CREBBP: variants seen among roughly 807,000 people sequenced by gnomAD.
The protein encoded by CREBBP is CREB binding lysine acetyltransferase, also known as CREB-binding protein.
A neutral mutation model predicts 265.0 loss-of-function variants in CREBBP; 19 were observed. The ratio of observed to expected loss-of-function variants is 0.07; its 90% confidence interval spans 0.05 to 0.11. The LOEUF is 0.11. CREBBP is among the 10% of genes least tolerant of loss of function. The probability of loss-of-function intolerance (pLI) is 1.00; values close to 1 mark genes in which losing one functional copy is unlikely to be tolerated. For missense variants in CREBBP, 2,525 were observed against 3,219.0 expected, an observed-to-expected ratio of 0.78 and a Z score of 5.22; for synonymous variants, 1,457 against 1,223.7, an observed-to-expected ratio of 1.19 and a Z score of -3.98.
chr16:3,853,261 T>C (rs2054890903), intron 1 of CREBBP, among the ~76,000 whole-genome samples: 1 of 152,188 alleles, frequency 6.6e-6, no homozygotes, highest in South Asian at 2.1e-4. Flanking sequence ...CTAAGTACTG[T>C]CTATTATTAT....
chr16:3,732,093 G>C (rs527244195), intron 28 of CREBBP, among the ~76,000 whole-genome samples, 156 bp from the exon 29 acceptor site: 1 of 152,314 alleles, frequency 6.6e-6, no homozygotes, highest in East Asian at 1.9e-4. Flanking sequence ...GGCTGTAGGT[G>C]CTGCAGCCTT....
chr16:3,738,265 A>G lies in CREBBP; in HGVS notation c.4394+294T>C, dbSNP rs192668326. Among the ~76,000 whole-genome samples, 624 of 151,534 alleles carry G rather than the reference A, an allele frequency of 4.1e-3. 1 individual carries two copies. The highest frequency in any genetic ancestry group is 6.9e-3 in the Non-Finnish European group (471 of 67,918). On this transcript the variant is annotated intron_variant, in intron 26 of 30. Coordinates refer to ENST00000262367, the MANE Select transcript of CREBBP (RefSeq NM_004380.3). The stretch of plus-strand genomic sequence containing the variant: ...GTTACTAAAAACCACTGAATCATAT[A>G]TCCAAAAAAGGGGAATTCTATGATA...
At chr16:3,751,135 AAGAC>A in intron 20 of CREBBP, among the ~76,000 whole-genome samples, 1 of 152,326 alleles carries the variant, frequency 6.6e-6, no homozygotes, top group East Asian at 1.9e-4. Flanking sequence ...TTTAGAAAAA[AAGAC>A]AGACCAAGGT....
intron 21 of CREBBP, chr16:3,745,736 A>C (rs1178634416): frequency 2.8e-6 from 1 of 357,106 alleles, no homozygotes; most frequent in African/African-American, 2.1e-5. Context: ...AAACTGACTT[A>C]AAAAATAGAG....
In CREBBP at chr16:3,780,712, A is replaced by G. The variant is rs2053254129; in HGVS notation, c.1823+20T>C. The G allele has an allele frequency of 1.2e-6, 2 of 1,613,328 alleles. No individual in the cohort carries two copies. The highest frequency in any genetic ancestry group is 2.7e-5 in the African/African-American group (2 of 74,918). On this transcript the variant is annotated intron_variant, in intron 8 of 30. Transcript: ENST00000262367. ...AGGAATAAAATCAAACATCTATGAA[A>G]CTGCAAAACTGTTACGTACAGTTTA...
rs200424021 is a variant in CREBBP at position 3,767,813 on chromosome 16, G to A, written c.3157C>T (p.Pro1053Ser). 13 of 1,613,996 alleles carry A rather than the reference G, an allele frequency of 8.1e-6. No individual in the cohort carries two copies. The East Asian group carries it at 2.7e-4, about 33-fold the overall frequency. ...TCTTTAACTTCTACTTTCACTTCAG[G>A]TTTCTTTTCATCCACTTCCATTGGT... ...SEPMEVDEKKPEVKVEVKEEE... is the reference protein window; with the variant it reads ...SEPMEVDEKKSEVKVEVKEEE... The change falls in exon 16 of 31, where the codon CCT (proline) becomes TCT (serine). Residue 1053 changes from proline (P) to serine (S), a missense_variant. Coordinates refer to ENST00000262367, the MANE Select transcript of CREBBP (RefSeq NM_004380.3).
chr16:3,799,988 G>T (rs1387844704), intron 3 of CREBBP, among the ~76,000 whole-genome samples: 2 of 152,190 alleles, frequency 1.3e-5, no homozygotes, highest in Non-Finnish European at 2.9e-5. Context: ...GTAAGAAAAT[G>T]ATGAGGAACT....
At chr16:3,817,980 C>T (rs2065390827) in intron 2 of CREBBP, among the ~76,000 whole-genome samples, 2 of 152,212 alleles carry the variant, frequency 1.3e-5, no homozygotes, top group South Asian at 4.1e-4. Flanking sequence ...CCTCATCTCA[C>T]ACAACCCTGA....
chr16:3,774,245 CG>C (rs1305023517), intron 12 of CREBBP, among the ~76,000 whole-genome samples: 1 of 152,198 alleles, frequency 6.6e-6, no homozygotes, highest in African/African-American at 2.4e-5. Flanking sequence ...AAAGCAGCCT[CG>C]GAACAGCGAG....
intron 1 of CREBBP, among the ~76,000 whole-genome samples, chr16:3,855,558 C>A (rs578033168): frequency 2.0e-5 from 3 of 152,340 alleles, no homozygotes; most frequent in South Asian, 2.1e-4. Context: ...AGCCATTGCA[C>A]CCGGCCATAA....
chr16:3,858,710 A>C (rs778528398), intron 1 of CREBBP, among the ~76,000 whole-genome samples: 23 of 152,376 alleles, frequency 1.5e-4, no homozygotes, highest in Non-Finnish European at 3.4e-4. Flanking sequence ...TTCTGAAAAC[A>C]GAAACAATAA....
In CREBBP at chr16:3,770,554, A is replaced by G. The variant is rs760393733; in HGVS notation, c.2880+16T>C. 2 of 1,611,672 alleles carry G rather than the reference A, an allele frequency of 1.2e-6. No homozygotes were observed. The highest frequency in any genetic ancestry group is 1.7e-6 in the Non-Finnish European group (2 of 1,179,798). Reference sequence around the variant, plus strand: ...AAGAGTCTTGGCCCAAAAACAGCAGAGACAGAGAGGCTTACCGGTGTGCCA... The same window carrying G: ...AAGAGTCTTGGCCCAAAAACAGCAGGGACAGAGAGGCTTACCGGTGTGCCA... On this transcript the variant is annotated intron_variant, in intron 14 of 30. Coordinates refer to ENST00000262367, the MANE Select transcript of CREBBP (RefSeq NM_004380.3).
At chr16:3,866,304 A>G (rs2141565394) in intron 1 of CREBBP, among the ~76,000 whole-genome samples, 1 of 152,338 alleles carries the variant, frequency 6.6e-6, no homozygotes, top group African/African-American at 2.4e-5. Context: ...GGCTTCTAGC[A>G]AATCAATGAA....
chr16:3,848,902 A>G (rs2054724065), intron 2 of CREBBP, among the ~76,000 whole-genome samples: 2 of 152,184 alleles, frequency 1.3e-5, no homozygotes, highest in Admixed American at 6.5e-5. Context: ...GACAAATGCA[A>G]TTTAAACATT....
intron 3 of CREBBP, among the ~76,000 whole-genome samples, chr16:3,799,747 CAAAT>C (rs1019629608): frequency 8.5e-5 from 13 of 152,178 alleles, no homozygotes; most frequent in Non-Finnish European, 1.3e-4. Flanking sequence ...AGGCAGACCT[CAAAT>C]AACCCCTGTC....
chr16:3,801,242 C>G (rs886167068), intron 3 of CREBBP, among the ~76,000 whole-genome samples: 5 of 152,198 alleles, frequency 3.3e-5, no homozygotes, highest in Non-Finnish European at 7.3e-5. Context: ...CTAAGAGAAT[C>G]TGACAGGAAA....
intron 1 of CREBBP, among the ~76,000 whole-genome samples, chr16:3,856,676 T>TC (rs2054970748): frequency 6.6e-6 from 1 of 152,178 alleles, no homozygotes; most frequent in Non-Finnish European, 1.5e-5. Flanking sequence ...AAATGAAACT[T>TC]CATCTAAACC....
At chr16:3,845,033 T>C (rs540327835) in intron 2 of CREBBP, among the ~76,000 whole-genome samples, 49 of 152,348 alleles carry the variant, frequency 3.2e-4, no homozygotes, top group Non-Finnish European at 5.7e-4. Flanking sequence ...TATAAAGTTG[T>C]AGTGAATCTT....
intron 2 of CREBBP, among the ~76,000 whole-genome samples, chr16:3,823,800 A>G (rs2054185877): frequency 6.6e-6 from 1 of 152,118 alleles, no homozygotes; most frequent in South Asian, 2.1e-4. Flanking sequence ...CCAAGTTTCC[A>G]TGGCAAGGCA....
Sources: gnomAD v4.1 joint callset for allele counts (sites outside exome capture counted in the v4.1 genomes callset) on GRCh38, gnomAD v4.1.1 for gene constraint, MANE v1.5 for transcripts, NCBI Gene and HGNC (gene_info 2026-07-23, HGNC 2026-07-21) for gene names.